Variants in RERG observed in about 807,000 individuals in gnomAD.
RERG encodes RAS like estrogen regulated growth inhibitor, also known as ras-related and estrogen-regulated growth inhibitor.
A neutral mutation model predicts 23.2 loss-of-function variants in RERG; 25 were observed. That is an observed-to-expected ratio of 1.08 (90% CI 0.79 to 1.50). The LOEUF (loss-of-function observed/expected upper bound fraction) is 1.50, where lower values mean the gene tolerates loss of function less well. Among genes scored for constraint, RERG ranks in the 40% most tolerant of loss-of-function variants. The pLI, the probability that RERG is intolerant of heterozygous loss-of-function variation, is 0.00. For synonymous variants in RERG, 81 were observed against 89.1 expected, an observed-to-expected ratio of 0.91 and a Z score of 0.51; for missense variants, 253 against 250.1, an observed-to-expected ratio of 1.01 and a Z score of -0.08.
rs371814892 is a variant in RERG at position 15,165,777 on chromosome 12, G to A, written c.62-44658C>T. On this transcript the variant is annotated intron_variant, in intron 2 of 4. Coordinates refer to ENST00000256953, the MANE Select transcript of RERG (RefSeq NM_032918.3). ...ATTATGGCACATTTTTAAATTCCCTGAAAGTTAAATACTTTCTGAGATCAA... is the reference window on the plus strand; with the variant it reads ...ATTATGGCACATTTTTAAATTCCCTAAAAGTTAAATACTTTCTGAGATCAA... 3.3e-5 allele frequency among the ~76,000 whole-genome samples: 5 copies of A among 152,278 alleles called. No homozygotes were observed. In the East Asian group the frequency reaches 9.7e-4, roughly 29 times the overall value.
At chr12:15,141,135 G>A (rs1864231258) in intron 2 of RERG, among the ~76,000 whole-genome samples, 1 of 149,604 alleles carries the variant, frequency 6.7e-6, no homozygotes, top group African/African-American at 2.4e-5. Flanking sequence ...TATTTTGGGA[G>A]GTTCCTATTG....
chr12:15,125,547 A>G (rs1296203593), intron 2 of RERG, among the ~76,000 whole-genome samples: 1 of 152,040 alleles, frequency 6.6e-6, no homozygotes, highest in Non-Finnish European at 1.5e-5. Flanking sequence ...TCAGGAGGCA[A>G]TGACATACAT....
intron 2 of RERG, among the ~76,000 whole-genome samples, chr12:15,150,523 C>A (rs1864422912): frequency 6.6e-6 from 1 of 152,144 alleles, no homozygotes; most frequent in South Asian, 2.1e-4. Flanking sequence ...AGTATCATGT[C>A]TAATATATCA....
chr12:15,121,221 G>T, intron 2 of RERG, 102 bp from the exon 3 acceptor site: 1 of 767,640 alleles, frequency 1.3e-6, no homozygotes, highest in Non-Finnish European at 2.1e-6. Context: ...CCCTATAAAT[G>T]CTTTATATTT....
At chr12:15,174,941 A>G (rs1864826944) in intron 2 of RERG, among the ~76,000 whole-genome samples, 1 of 152,078 alleles carries the variant, frequency 6.6e-6, no homozygotes, top group African/African-American at 2.4e-5. Flanking sequence ...TCTTTGTCTA[A>G]TAACTCTAAG....
intron 2 of RERG, among the ~76,000 whole-genome samples, chr12:15,194,225 C>T (rs1184356635): frequency 1.3e-5 from 2 of 152,058 alleles, no homozygotes; most frequent in Non-Finnish European, 2.9e-5. Flanking sequence ...AGGCTGCGCT[C>T]TAAATAACAA....
At chr12:15,212,449 T>TA (rs1404769559) in intron 2 of RERG, among the ~76,000 whole-genome samples, 2 of 152,228 alleles carry the variant, frequency 1.3e-5, no homozygotes, top group African/African-American at 4.8e-5. Flanking sequence ...AACATAGATA[T>TA]ATTAGGGATT....
chr12:15,203,697 T>TG (rs1865247605), intron 2 of RERG, among the ~76,000 whole-genome samples: 2 of 151,648 alleles, frequency 1.3e-5, no homozygotes. Flanking sequence ...CTCTTAGAAC[T>TG]AATAAATGAA....
chr12:15,193,704 G>A (rs897418439), intron 2 of RERG, among the ~76,000 whole-genome samples: 1 of 152,182 alleles, frequency 6.6e-6, no homozygotes, highest in African/African-American at 2.4e-5. Flanking sequence ...ATAGGAACAA[G>A]AGTGCTGTAC....
chr12:15,140,701 T>C (rs1374417412), intron 2 of RERG, among the ~76,000 whole-genome samples: 1 of 152,160 alleles, frequency 6.6e-6, no homozygotes, highest in Non-Finnish European at 1.5e-5. Flanking sequence ...AATTTTTTTT[T>C]CTTTCAGAAC....
At chr12:15,201,652 TA>T (rs964216422) in intron 2 of RERG, among the ~76,000 whole-genome samples, 1 of 149,206 alleles carries the variant, frequency 6.7e-6, no homozygotes, top group East Asian at 1.9e-4. Flanking sequence ...AGTATAGTAA[TA>T]ATTATTAGTA....
chr12:15,212,153 G>T (rs986486506), intron 2 of RERG, among the ~76,000 whole-genome samples: 8 of 142,382 alleles, frequency 5.6e-5, no homozygotes, highest in African/African-American at 2.1e-4. Flanking sequence ...TCCGCTTCCC[G>T]GGTTCACGCC....
intron 1 of RERG, among the ~76,000 whole-genome samples, chr12:15,218,688 C>T (rs1275342582): frequency 6.6e-6 from 1 of 151,930 alleles, no homozygotes; most frequent in African/African-American, 2.4e-5. Flanking sequence ...CTTTTTCTTT[C>T]ACTCAGAACC....
At chr12:15,165,354 CTAAAA>C (rs752516432) in intron 2 of RERG, among the ~76,000 whole-genome samples, 1 of 151,728 alleles carries the variant, frequency 6.6e-6, no homozygotes, top group Admixed American at 6.6e-5. Flanking sequence ...TTTTTTTTAA[CTAAAA>C]TAAAGTTGCT....
intron 2 of RERG, among the ~76,000 whole-genome samples, chr12:15,143,725 A>G (rs924756071): frequency 1.3e-5 from 2 of 152,010 alleles, no homozygotes; most frequent in Non-Finnish European, 2.9e-5. Flanking sequence ...CAAAAACCAA[A>G]TAAATAAATA....
chr12:15,180,790 A>T (rs1454974304), intron 2 of RERG, among the ~76,000 whole-genome samples: 1 of 152,158 alleles, frequency 6.6e-6, no homozygotes, highest in Non-Finnish European at 1.5e-5. Context: ...TTCTGACTCC[A>T]TGGGTTTGTA....
chr12:15,207,708 G>C (rs1455951539), intron 2 of RERG, among the ~76,000 whole-genome samples: 1 of 151,860 alleles, frequency 6.6e-6, no homozygotes, highest in Non-Finnish European at 1.5e-5. Flanking sequence ...AACCTCACAG[G>C]GGTAAACCAA....
chr12:15,133,947 G>T (rs1226927214), intron 2 of RERG, among the ~76,000 whole-genome samples: 1 of 151,606 alleles, frequency 6.6e-6, no homozygotes, highest in South Asian at 2.1e-4. Flanking sequence ...TTTTTTAGTT[G>T]ACTTTTTTTC....
At chr12:15,213,554 C>T (rs1458162108) in intron 2 of RERG, among the ~76,000 whole-genome samples, 1 of 152,220 alleles carries the variant, frequency 6.6e-6, no homozygotes, top group Non-Finnish European at 1.5e-5. Context: ...GAAGACAGAA[C>T]TGCAAGATAA....
Sources: gnomAD v4.1 joint callset for allele counts (sites outside exome capture counted in the v4.1 genomes callset) on GRCh38, gnomAD v4.1.1 for gene constraint, MANE v1.5 for transcripts, NCBI Gene and HGNC (gene_info 2026-07-23, HGNC 2026-07-21) for gene names.